The following INCA1 variants were observed in gnomAD, a reference collection of about 807,000 sequenced individuals.
The protein encoded by INCA1 is inhibitor of CDK, cyclin A1 interacting protein 1.
In INCA1, 28 loss-of-function variants were observed where a neutral mutation model predicts 25.7. The ratio of observed to expected loss-of-function variants is 1.09; its 90% confidence interval spans 0.81 to 1.49. INCA1 has a LOEUF of 1.49. INCA1 is among the 40% of genes most tolerant of loss of function. The pLI is 0.00. For synonymous variants in INCA1, 111 were observed against 103.6 expected (o/e 1.07, Z -0.43); for missense variants, 309 against 290.9 (o/e 1.06, Z -0.45).
chr17:4,994,248 T>C (rs937978311), intron 2 of INCA1, 146 bp downstream of exon 2: 7 of 776,374 alleles, frequency 9.0e-6, no homozygotes, highest in African/African-American at 1.7e-5. Context: ...AAACTATTTG[T>C]TGAATAAATT....
intron 1 of INCA1, chr17:4,996,923 A>AG (rs1381365224): frequency 6.5e-6 from 1 of 152,944 alleles, no homozygotes; most frequent in African/African-American, 2.4e-5. Flanking sequence ...CCTGACTCGG[A>AG]GGGGGGTCAG....
chr17:4,989,354 CCCTT>C (rs1354984846), intron 5 of INCA1, 70 bp downstream of exon 5: 1 of 1,420,784 alleles, frequency 7.0e-7, no homozygotes, highest in Non-Finnish European at 9.7e-7. Context: ...AGCTGTCAAC[CCCTT>C]CCTTAGCTCA....
At chr17:4,997,258 C>G (rs1039328386), upstream of INCA1, 1 of 152,222 alleles carries the variant, frequency 6.6e-6, no homozygotes, top group Non-Finnish European at 1.5e-5. Flanking sequence ...CCCGAGGGCA[C>G]GACTGGGGGC....
chr17:4,994,301 T>C, intron 2 of INCA1, 93 bp downstream of exon 2: 1 of 1,173,318 alleles, frequency 8.5e-7, no homozygotes, highest in Non-Finnish European at 1.3e-6. Context: ...GCATTTCCCG[T>C]TCTTTATTTC....
chr17:4,990,393 T>C (rs1973792511), intron 2 of INCA1, 128 bp from the exon 3 acceptor site: 2 of 1,008,048 alleles, frequency 2.0e-6, no homozygotes, highest in East Asian at 2.7e-5. Flanking sequence ...CCATGTCCTC[T>C]CTTAACCACT....
intron 1 of INCA1, among the ~76,000 whole-genome samples, chr17:4,994,789 CAAAAAAA>C (rs34186821): frequency 8.5e-5 from 6 of 70,824 alleles, no homozygotes; most frequent in Non-Finnish European, 1.2e-4. Context: ...GACTCTGTCT[CAAAAAAA>C]AAAAAAAAAA....
At chr17:4,989,652 T>C (rs752210168) in intron 4 of INCA1, 28 bp from the exon 5 acceptor site, 3 of 1,608,852 alleles carry the variant, frequency 1.9e-6, no homozygotes, top group Admixed American at 3.4e-5. Flanking sequence ...GAAAAAGAGC[T>C]AGAAAGAAGA....
rs1477911458 is a variant in INCA1, at chr17:4,989,547, C to G, written c.276G>C (p.Lys92Asn). 1 of 1,614,252 alleles carries G rather than the reference C, an allele frequency of 6.2e-7. No individual in the cohort carries two copies. Among genetic ancestry groups the G allele is most frequent in the Admixed American group, 1.7e-5 (1 of 60,024 alleles). The change falls in exon 5 of 7, where the codon AAG (lysine) becomes AAC (asparagine). Residue 92 changes from lysine (K) to asparagine (N), a missense_variant. Lys to Asn is a moderately conservative substitution (Grantham distance 94). Transcript: ENST00000576820. ...TTCCTTCCAAACATGGCCTCCTCTT[C>G]TTTCTTCTCCAAAGCATTTCAGGGG...
At chr17:4,994,113 T>C (rs1181191918) in intron 2 of INCA1, among the ~76,000 whole-genome samples, 2 of 152,094 alleles carry the variant, frequency 1.3e-5, no homozygotes, top group African/African-American at 4.8e-5. Context: ...TTAGCTGAAA[T>C]TGTATTTGTT....
chr17:4,991,044 G>A (rs1470528828), intron 2 of INCA1, among the ~76,000 whole-genome samples: 1 of 151,314 alleles, frequency 6.6e-6, no homozygotes, highest in Non-Finnish European at 1.5e-5. Context: ...TCAGCCTCCC[G>A]AGTAGCTGGG....
chr17:4,992,764 C>T (rs1425693426), intron 2 of INCA1, among the ~76,000 whole-genome samples: 1 of 138,678 alleles, frequency 7.2e-6, no homozygotes, highest in African/African-American at 2.7e-5. Flanking sequence ...GGCTGGAGTG[C>T]AGTGCTGTAA....
chr17:4,997,392 T>C (rs1298626056), upstream of INCA1: 1 of 152,158 alleles, frequency 6.6e-6, no homozygotes, highest in Non-Finnish European at 1.5e-5. Flanking sequence ...CTGAAGGGGT[T>C]GTTTGGGCCT....
Position 4,990,290 on chromosome 17 carries a change from G to A in INCA1, c.45-25C>T, listed in dbSNP as rs768420732. 46 of 1,599,618 alleles carry A rather than the reference G, an allele frequency of 2.9e-5. 1 individual carries two copies. In the East Asian group the frequency reaches 5.6e-4, roughly 19 times the overall value. The stretch of plus-strand genomic sequence containing the variant: ...CCTGAGGTGAGGACAAGGTAGGCTC[G>A]GGTCTGGCTCTTCCCTTACAGCAGT... On this transcript the variant is annotated intron_variant, in intron 2 of 6. Transcript: ENST00000576820.
intron 2 of INCA1, among the ~76,000 whole-genome samples, chr17:4,991,285 G>A (rs1973858154): frequency 6.6e-6 from 1 of 152,150 alleles, no homozygotes; most frequent in Admixed American, 6.5e-5. Flanking sequence ...CTAGGCCGCA[G>A]GTTGGACAAG....
chr17:4,990,911 ATATTT>A (rs995682781), intron 2 of INCA1, among the ~76,000 whole-genome samples: 5 of 149,910 alleles, frequency 3.3e-5, no homozygotes, highest in Non-Finnish European at 5.9e-5. Context: ...AAATCTCATA[ATATTT>A]TATTTTATTT....
At chr17:4,990,152 G>A (rs1156830560) in exon 3 of INCA1, 4 of 1,614,162 alleles carry the variant, frequency 2.5e-6, no homozygotes, top group Admixed American at 1.7e-5. Flanking sequence ...CTCTACTCAC[G>A]TGGGCCTTTG....
At chr17:4,994,020 C>T (rs1306004775) in intron 2 of INCA1, among the ~76,000 whole-genome samples, 1 of 152,088 alleles carries the variant, frequency 6.6e-6, no homozygotes, top group Non-Finnish European at 1.5e-5. Flanking sequence ...GATCCGCCTG[C>T]CTCGGCCTCC....
chr17:4,992,756 C>G (rs1292838067), intron 2 of INCA1, among the ~76,000 whole-genome samples: 3 of 142,072 alleles, frequency 2.1e-5, no homozygotes, highest in Non-Finnish European at 4.6e-5. Flanking sequence ...GTTGCCCAGG[C>G]TGGAGTGCAG....
chr17:4,991,106 CG>C (rs1258420442), intron 2 of INCA1, among the ~76,000 whole-genome samples: 1 of 151,432 alleles, frequency 6.6e-6, no homozygotes, highest in Admixed American at 6.6e-5. Flanking sequence ...TTAGTAGAGA[CG>C]GGGTTTTGCC....
Sources: gnomAD v4.1 joint callset for allele counts (sites outside exome capture counted in the v4.1 genomes callset) on GRCh38, gnomAD v4.1.1 for gene constraint, MANE v1.5 for transcripts, NCBI Gene and HGNC (gene_info 2026-07-23, HGNC 2026-07-21) for gene names.